The following MAML2 variants were observed in gnomAD, a reference collection of about 807,000 sequenced individuals.
MAML2 encodes the protein mastermind-like protein 2.
A neutral mutation model predicts 96.1 loss-of-function variants in MAML2; 22 were observed. The ratio of observed to expected loss-of-function variants is 0.23; its 90% confidence interval spans 0.16 to 0.33. MAML2 has a LOEUF of 0.33. MAML2 is among the 10% of genes least tolerant of loss of function. The pLI is 1.00. For synonymous variants in MAML2, 561 were observed against 521.3 expected, an observed-to-expected ratio of 1.08 and a Z score of -1.04; for missense variants, 1,367 against 1,392.4, an observed-to-expected ratio of 0.98 and a Z score of 0.29.
At chr11:95,984,959 G>A (rs984156180) in intron 4 of MAML2, among the ~76,000 whole-genome samples, 1 of 152,132 alleles carries the variant, frequency 6.6e-6, no homozygotes, top group Non-Finnish European at 1.5e-5. Flanking sequence ...AGAGAATTTG[G>A]GGGACTTTTG....
intron 2 of MAML2, among the ~76,000 whole-genome samples, chr11:96,008,109 T>C (rs1000396015): frequency 6.6e-6 from 1 of 152,216 alleles, no homozygotes; most frequent in Non-Finnish European, 1.5e-5. Context: ...GGAGTACTTA[T>C]TAATGTCAGT....
chr11:96,116,061 G>T (rs943162270), intron 1 of MAML2, among the ~76,000 whole-genome samples: 2 of 152,132 alleles, frequency 1.3e-5, no homozygotes, highest in Non-Finnish European at 2.9e-5. Flanking sequence ...CAGGAAGCTA[G>T]GTATCTACTG....
intron 1 of MAML2, among the ~76,000 whole-genome samples, chr11:96,258,778 A>G (rs563425543): frequency 6.6e-6 from 1 of 152,362 alleles, no homozygotes; most frequent in East Asian, 1.9e-4. Flanking sequence ...AACAACAGTG[A>G]GAGAGCCAAT....
intron 1 of MAML2, among the ~76,000 whole-genome samples, chr11:96,333,415 C>T (rs928798176): frequency 2.0e-5 from 3 of 151,746 alleles, no homozygotes. Flanking sequence ...ACAATAAATC[C>T]ATCCTTGCCC....
At chr11:96,276,295 G>T (rs1262893853) in intron 1 of MAML2, among the ~76,000 whole-genome samples, 1 of 152,098 alleles carries the variant, frequency 6.6e-6, no homozygotes, top group Non-Finnish European at 1.5e-5. Context: ...ATTCACTCTT[G>T]CTGACTGATA....
intron 1 of MAML2, among the ~76,000 whole-genome samples, chr11:96,259,065 T>G (rs560036712): frequency 6.6e-6 from 1 of 152,278 alleles, no homozygotes; most frequent in Admixed American, 6.5e-5. Context: ...AACCTTATAC[T>G]ATAATACAAA....
chr11:96,017,129 A>G (rs1407663002), intron 2 of MAML2, among the ~76,000 whole-genome samples: 2 of 152,218 alleles, frequency 1.3e-5, no homozygotes, highest in Admixed American at 6.5e-5. Context: ...TCTTTACAAC[A>G]TTCTTTTGAG....
intron 2 of MAML2, among the ~76,000 whole-genome samples, chr11:96,089,485 C>T (rs745916498): frequency 6.6e-6 from 1 of 152,090 alleles, no homozygotes; most frequent in South Asian, 2.1e-4. Context: ...CAAAAATTGC[C>T]CTGATAGGAT....
intron 2 of MAML2, among the ~76,000 whole-genome samples, chr11:96,006,705 C>T (rs1046616074): frequency 1.7e-4 from 25 of 151,134 alleles, no homozygotes; most frequent in African/African-American, 5.8e-4. Flanking sequence ...ATTACAGGCA[C>T]GTGCCACCAT....
chr11:96,043,397 A>G (rs1858847776), intron 2 of MAML2, among the ~76,000 whole-genome samples: 1 of 152,226 alleles, frequency 6.6e-6, no homozygotes, highest in South Asian at 2.1e-4. Context: ...GAAGCCTTAT[A>G]AAAGTTCTCA....
At chr11:96,027,353 A>G (rs941531818) in intron 2 of MAML2, among the ~76,000 whole-genome samples, 1 of 152,228 alleles carries the variant, frequency 6.6e-6, no homozygotes, top group African/African-American at 2.4e-5. Context: ...TGAGGAAGCC[A>G]AGACTCAGAG....
chr11:96,327,131 T>A (rs1472027334), intron 1 of MAML2, among the ~76,000 whole-genome samples: 2 of 152,168 alleles, frequency 1.3e-5, no homozygotes, highest in Non-Finnish European at 2.9e-5. Context: ...CAGGCAGGTC[T>A]CTCCAGGAGG....
intron 1 of MAML2, among the ~76,000 whole-genome samples, chr11:96,254,092 G>T (rs541433515): frequency 4.2e-4 from 64 of 152,264 alleles, no homozygotes; most frequent in African/African-American, 1.5e-3. Context: ...CCTATTAGAG[G>T]TATTTTAAAA....
At chr11:96,086,096 A>G (rs1291438364) in intron 2 of MAML2, among the ~76,000 whole-genome samples, 1 of 152,214 alleles carries the variant, frequency 6.6e-6, no homozygotes, top group African/African-American at 2.4e-5. Flanking sequence ...TAATTACTCA[A>G]TGGGAATTCA....
chr11:96,048,062 G>T (rs961460733), intron 2 of MAML2, among the ~76,000 whole-genome samples: 3 of 152,022 alleles, frequency 2.0e-5, no homozygotes, highest in Non-Finnish European at 2.9e-5. Flanking sequence ...AGTTTGAGAA[G>T]CCAAGACGTT....
At chr11:96,249,089 C>G (rs1862549441) in intron 1 of MAML2, among the ~76,000 whole-genome samples, 1 of 152,220 alleles carries the variant, frequency 6.6e-6, no homozygotes, top group Admixed American at 6.5e-5. Context: ...TGATCAATTA[C>G]AGTCTTCAGC....
Position 96,092,861 on chromosome 11 carries a change from T to C in MAML2, c.1170A>G (p.Ala390=). 6.2e-7 allele frequency: 1 copy of C among 1,606,922 alleles called. No homozygotes were observed. Among genetic ancestry groups the C allele is most frequent in the Non-Finnish European group, 8.5e-7 (1 of 1,176,058 alleles). The change falls in exon 2 of 5, where the codon GCA becomes GCG. Residue 390 remains alanine (A), a synonymous_variant. Coordinates refer to ENST00000524717, the MANE Select transcript of MAML2 (RefSeq NM_032427.4). The surrounding 1 kb of genome is among the most constrained non-coding windows in gnomAD (Gnocchi z 4.1). ...AGAGGGCAGAGTTGGCCATGGAGAA[T>C]GCGGGGCCAGCTGATGGGGGCCTCA... ...PQLRPPSAGP[A]FSMANSALST...
intron 1 of MAML2, among the ~76,000 whole-genome samples, chr11:96,256,641 T>A (rs1034169441): frequency 2.0e-5 from 3 of 152,256 alleles, no homozygotes; most frequent in Admixed American, 6.5e-5. Flanking sequence ...ACATGGTAAG[T>A]TCATGAGGTT....
At chr11:95,995,551 G>A (rs1007730116) in intron 2 of MAML2, among the ~76,000 whole-genome samples, 2 of 151,930 alleles carry the variant, frequency 1.3e-5, no homozygotes, top group African/African-American at 4.8e-5. Context: ...ACAGTGCCAG[G>A]GACTTAGTAG....
Sources: allele counts gnomAD v4.1 joint callset (sites outside exome capture counted in the v4.1 genomes callset), GRCh38; gene constraint gnomAD v4.1.1; non-coding constraint Gnocchi (gnomAD v3.1); transcripts MANE v1.5; gene names NCBI Gene and HGNC (gene_info 2026-07-23, HGNC 2026-07-21).